Variants in PRPF18 observed in about 807,000 individuals in gnomAD.
The protein encoded by PRPF18 is pre-mRNA-splicing factor 18.
Under a neutral mutation model 46.5 loss-of-function variants are expected in PRPF18, and 38 were observed. The observed-to-expected ratio is 0.82, with a 90% confidence interval of 0.63 to 1.07. The LOEUF (loss-of-function observed/expected upper bound fraction) is 1.07. PRPF18 is among the 50% of genes least tolerant of loss of function. The probability of loss-of-function intolerance (pLI) is 0.00; values close to 1 mark genes in which losing one functional copy is unlikely to be tolerated. For synonymous variants in PRPF18, 152 were observed against 146.7 expected (o/e 1.04, Z -0.26); for missense variants, 263 against 410.0 (o/e 0.64, Z 3.10).
At chr10:13,651,667 T>C in the PRPF18 span, 1 of 521,760 alleles carries the variant, frequency 1.9e-6, no homozygotes, top group East Asian at 3.4e-5. Flanking sequence ...AACAAGACTC[T>C]GTCTCAAAAC....
rs762808287 is a variant in PRPF18, at chr10:13,600,259, G to A, written c.160G>A (p.Glu54Lys). ...RCGYKIQPKE[E>K]DQKPLTSSNP... ...ATTAATATAGATACAGCCAAAAGAG[G>A]AGGACCAGAAACCATTAACTTCATC... The change falls in exon 3 of 10, where the codon GAG becomes AAG. Residue 54 changes from glutamate (E) to lysine (K), a missense_variant. Physicochemically the swap from Glu to Lys is moderately conservative, Grantham distance 56. This residue lies in a region of PRPF18 where 71 missense variants were observed against 69.2 expected (regional missense o/e 1.03). Coordinates refer to ENST00000378572, the MANE Select transcript of PRPF18 (RefSeq NM_003675.4). 8 of 1,609,464 alleles carry A rather than the reference G, an allele frequency of 5.0e-6. No individual in the cohort carries two copies. The highest frequency in any genetic ancestry group is 3.4e-6 in the Non-Finnish European group (4 of 1,178,036).
the PRPF18 span, chr10:13,642,447 A>G: frequency 6.6e-6 from 1 of 152,228 alleles, no homozygotes; most frequent in South Asian, 2.1e-4. Flanking sequence ...GGGAAAATAA[A>G]GAGCTGGCTG....
intron 4 of PRPF18, 111 bp from the exon 5 acceptor site, chr10:13,609,928 C>A: frequency 8.4e-7 from 1 of 1,190,152 alleles, no homozygotes; most frequent in Non-Finnish European, 1.2e-6. Flanking sequence ...TTTTGCTGAA[C>A]TCTTCTTGTG....
At chr10:13,617,414 T>C (rs563697198) in intron 9 of PRPF18, among the ~76,000 whole-genome samples, 1 of 152,348 alleles carries the variant, frequency 6.6e-6, no homozygotes, top group Admixed American at 6.5e-5. Flanking sequence ...TAATAGCTTT[T>C]TAAAATATGA....
chr10:13,589,167 A>G (rs1323941233), intron 1 of PRPF18, among the ~76,000 whole-genome samples: 1 of 152,218 alleles, frequency 6.6e-6, no homozygotes, highest in East Asian at 1.9e-4. Flanking sequence ...GAATTTTATC[A>G]TAGGCAACAA....
rs1002034983 is a variant in PRPF18, at chr10:13,587,005, A to G, written c.-82A>G. 9.5e-5 allele frequency: 132 copies of G among 1,396,766 alleles called. No homozygotes were observed. In the African/African-American group the frequency reaches 1.7e-3, roughly 18 times the overall value. The allele number at this position is 1,396,766 out of a possible 1,614,324, so 86.5% of individuals were successfully genotyped here. Reference sequence around the variant, plus strand: ...TTTGGGCTTGTTGTTCCGTATACTCAGTGGGTTCGCGGCCGCCGGCCCAGT... The same window carrying G: ...TTTGGGCTTGTTGTTCCGTATACTCGGTGGGTTCGCGGCCGCCGGCCCAGT... On this transcript the variant is annotated 5_prime_UTR_variant, in exon 1 of 10. Transcript: ENST00000378572.
chr10:13,596,865 A>T (rs2080042398), intron 1 of PRPF18, among the ~76,000 whole-genome samples: 1 of 152,152 alleles, frequency 6.6e-6, no homozygotes, highest in African/African-American at 2.4e-5. Context: ...ACAAACAGAA[A>T]ACCAGAAAAA....
In PRPF18 at chr10:13,616,384, C is replaced by T. The variant is rs760230703; in HGVS notation, c.793-14C>T. 3.8e-6 allele frequency: 6 copies of T among 1,596,964 alleles called. No homozygotes were observed. Among genetic ancestry groups the T allele is most frequent in the East Asian group, 4.5e-5 (2 of 44,628 alleles). ...TTTTCGCCTTTCTGATTTCTTCTTA[C>T]ACTTTCCTTTCAGGCAAATGATGCT... On this transcript the variant is annotated splice_polypyrimidine_tract_variant and intron_variant, in intron 8 of 9. Transcript: ENST00000378572.
intron 9 of PRPF18, among the ~76,000 whole-genome samples, chr10:13,629,886 G>C (rs1401894744): frequency 6.6e-6 from 1 of 152,214 alleles, no homozygotes; most frequent in African/African-American, 2.4e-5. Context: ...GGCATTTGGA[G>C]CTTAATTCTC....
At chr10:13,600,478 T>A in intron 3 of PRPF18, 130 bp downstream of exon 3, 1 of 629,434 alleles carries the variant, frequency 1.6e-6, no homozygotes, top group Non-Finnish European at 2.5e-6. Flanking sequence ...GCTGTGCAGC[T>A]AGTTTTCTTC....
intron 1 of PRPF18, among the ~76,000 whole-genome samples, chr10:13,589,754 A>G (rs2079929506): frequency 6.6e-6 from 1 of 152,216 alleles, no homozygotes; most frequent in Non-Finnish European, 1.5e-5. Flanking sequence ...TATGTGATGT[A>G]GTGTAAGTAA....
chr10:13,613,902 C>A (rs527444234), intron 7 of PRPF18, 21 bp downstream of exon 7: 2 of 1,593,256 alleles, frequency 1.3e-6, no homozygotes, highest in South Asian at 2.3e-5. Context: ...TTGGAAAATA[C>A]TTTTTTTAAC....
intron 9 of PRPF18, among the ~76,000 whole-genome samples, chr10:13,629,559 T>G (rs2080562782): frequency 6.6e-6 from 1 of 152,238 alleles, no homozygotes; most frequent in Non-Finnish European, 1.5e-5. Flanking sequence ...ATTTCCTTTC[T>G]TTTTGAAAAA....
chr10:13,621,565 G>C (rs2080420478), intron 9 of PRPF18, among the ~76,000 whole-genome samples: 1 of 152,162 alleles, frequency 6.6e-6, no homozygotes, highest in Admixed American at 6.5e-5. Flanking sequence ...TTGCTCTACT[G>C]TGTCTTGTTG....
chr10:13,604,309 T>G (rs1285051185), intron 3 of PRPF18, among the ~76,000 whole-genome samples: 2 of 152,246 alleles, frequency 1.3e-5, no homozygotes, highest in Non-Finnish European at 2.9e-5. Context: ...TTAAAAAATT[T>G]GGACTAGTAT....
intron 9 of PRPF18, among the ~76,000 whole-genome samples, chr10:13,627,832 C>T (rs558637732): frequency 5.9e-5 from 9 of 152,254 alleles, no homozygotes; most frequent in Non-Finnish European, 1.0e-4. Flanking sequence ...TGGGGAAAAC[C>T]ACCTCCAAGG....
chr10:13,592,161 C>A, intron 1 of PRPF18: 1 of 616,792 alleles, frequency 1.6e-6, no homozygotes, highest in Non-Finnish European at 3.0e-6. Context: ...GGAATACCTG[C>A]CAATTCCTCT....
the PRPF18 span, chr10:13,639,427 T>C: frequency 1.3e-5 from 2 of 152,238 alleles, no homozygotes; most frequent in Non-Finnish European, 2.9e-5. Context: ...GGCTCTGGTT[T>C]CATCATTTTG....
At chr10:13,629,130 T>C (rs564387620) in intron 9 of PRPF18, among the ~76,000 whole-genome samples, 27 of 152,368 alleles carry the variant, frequency 1.8e-4, no homozygotes, top group African/African-American at 6.3e-4. Context: ...TATAAAGTTA[T>C]ACACTGGAGA....
Sources: allele counts gnomAD v4.1 joint callset (sites outside exome capture counted in the v4.1 genomes callset), GRCh38; gene constraint gnomAD v4.1.1; regional missense constraint gnomAD v4.1.1; transcripts MANE v1.5; gene names NCBI Gene and HGNC (gene_info 2026-07-23, HGNC 2026-07-21).